The following COG6 variants were observed in gnomAD, a reference collection of about 807,000 sequenced individuals.
COG6 encodes the protein conserved oligomeric Golgi complex subunit 6.
COG6 carries 74 observed loss-of-function variants against 88.8 expected under a neutral mutation model. That is an observed-to-expected ratio of 0.83 (90% CI 0.69 to 1.01). COG6 has a LOEUF of 1.01. COG6 is among the 50% of genes least tolerant of loss of function. The probability of loss-of-function intolerance (pLI) is 0.00; values close to 1 mark genes in which losing one functional copy is unlikely to be tolerated. For synonymous variants in COG6, 286 were observed against 278.7 expected (o/e 1.03, Z -0.26); for missense variants, 800 against 797.9 (o/e 1.00, Z -0.03).
intron 5 of COG6, among the ~76,000 whole-genome samples, chr13:39,678,675 A>G (rs1014515436): frequency 6.6e-5 from 10 of 152,096 alleles, no homozygotes; most frequent in Non-Finnish European, 1.3e-4. Flanking sequence ...TTGTGGGATC[A>G]GAGGGCAAGA....
chr13:39,721,840 A>G (rs1364125553), intron 15 of COG6, among the ~76,000 whole-genome samples: 1 of 152,020 alleles, frequency 6.6e-6, no homozygotes, highest in Non-Finnish European at 1.5e-5. Context: ...TGTTTTTAGT[A>G]ATCTAGTCCC....
At chr13:39,703,591 G>T (rs553895396) in intron 13 of COG6, among the ~76,000 whole-genome samples, 1 of 151,848 alleles carries the variant, frequency 6.6e-6, no homozygotes, top group Admixed American at 6.6e-5. Context: ...TTTTTTTATA[G>T]TTTTTTTCCC....
At chr13:39,746,903 AAAT>A (rs2138139616) in intron 18 of COG6, among the ~76,000 whole-genome samples, 1 of 152,334 alleles carries the variant, frequency 6.6e-6, no homozygotes, top group African/African-American at 2.4e-5. Context: ...TAGTTCCCTA[AAAT>A]AATGTATGTG....
chr13:39,730,897 C>A (rs1423905758), intron 18 of COG6, among the ~76,000 whole-genome samples: 1 of 150,682 alleles, frequency 6.6e-6, no homozygotes, highest in Non-Finnish European at 1.5e-5. Context: ...TCTCAGCTCA[C>A]TACAGCCTCC....
chr13:39,779,713 T>C (rs1248312436), intron 18 of COG6, among the ~76,000 whole-genome samples: 4 of 152,146 alleles, frequency 2.6e-5, no homozygotes, highest in African/African-American at 9.7e-5. Context: ...AACGAAGACC[T>C]CTCCAGGGTT....
chr13:39,683,290 G>A (rs144444642), intron 8 of COG6, among the ~76,000 whole-genome samples: 2,148 of 152,284 alleles, frequency 0.014, 25 homozygotes, highest in Admixed American at 0.02. Context: ...TGTGGCTCAA[G>A]TATTCTGGTG....
chr13:39,754,756 G>A (rs1354673253), downstream of COG6, among the ~76,000 whole-genome samples: 1 of 152,070 alleles, frequency 6.6e-6, no homozygotes, highest in Non-Finnish European at 1.5e-5. Flanking sequence ...ACCAAATTAT[G>A]TGTTTCCCGT....
chr13:39,786,125 G>A (rs917005336), intron 18 of COG6, among the ~76,000 whole-genome samples: 1 of 152,186 alleles, frequency 6.6e-6, no homozygotes, highest in African/African-American at 2.4e-5. Flanking sequence ...CCTCACTGGT[G>A]GAGAAGGGTT....
intron 4 of COG6, among the ~76,000 whole-genome samples, chr13:39,674,137 G>A (rs1247310921): frequency 6.6e-6 from 1 of 151,408 alleles, no homozygotes; most frequent in African/African-American, 2.4e-5. Context: ...ATGTATACAC[G>A]TGCCATGTTG....
chr13:39,720,041 A>G (rs531498272), intron 15 of COG6, among the ~76,000 whole-genome samples: 61 of 150,436 alleles, frequency 4.1e-4, no homozygotes, highest in African/African-American at 1.5e-3. Flanking sequence ...TCAGTATTTC[A>G]GTTTTCAGCT....
exon 19 of COG6, chr13:39,788,423 G>T (rs114116730): frequency 4.7e-6 from 7 of 1,479,132 alleles, no homozygotes; most frequent in Non-Finnish European, 5.5e-6. Flanking sequence ...GTGATGTCTC[G>T]GAAAACTCTG....
rs1169053035 is a variant in COG6, at chr13:39,717,991, G to A, written c.1285-1245G>A. Among the ~76,000 whole-genome samples, 4 of 152,142 alleles carry A rather than the reference G, an allele frequency of 2.6e-5. No individual in the cohort carries two copies. The East Asian group carries it at 7.7e-4, about 29-fold the overall frequency. On this transcript the variant is annotated intron_variant, in intron 13 of 18. Coordinates refer to ENST00000455146, the MANE Select transcript of COG6 (RefSeq NM_020751.3). ...TTTATTGATATTCTTTATTTGGTGA[G>A]ACATTGTTTTCATACTTTAGTTCTT... is the stretch of plus-strand genomic sequence containing the variant.
chr13:39,669,331 T>G lies in COG6; in HGVS notation c.428+4177T>G, dbSNP rs79846311. On this transcript the variant is annotated intron_variant, in intron 4 of 18. Coordinates refer to ENST00000455146, the MANE Select transcript of COG6 (RefSeq NM_020751.3). The stretch of plus-strand genomic sequence containing the variant: ...AACAAGCATTACTTTAATTGAAAAT[T>G]GTGATTAAAACTAAGAGGATAACAG... Among the ~76,000 whole-genome samples, 707 of 152,352 alleles carry G rather than the reference T, an allele frequency of 4.6e-3. 5 individuals are homozygous for G. Among genetic ancestry groups the G allele is most frequent in the African/African-American group, 0.016 (654 of 41,578 alleles).
At chr13:39,724,926 C>T (rs1435312880) in intron 17 of COG6, among the ~76,000 whole-genome samples, 1 of 151,822 alleles carries the variant, frequency 6.6e-6, no homozygotes, top group Admixed American at 6.6e-5. Flanking sequence ...GTTTAAAGTT[C>T]CTGACGTGAA....
downstream of COG6, among the ~76,000 whole-genome samples, chr13:39,755,405 C>G (rs1880800468): frequency 6.6e-6 from 1 of 152,048 alleles, no homozygotes; most frequent in African/African-American, 2.4e-5. Context: ...CGGCCTTTAT[C>G]TTGCCTGTTA....
rs779577228 is a variant in COG6, at chr13:39,694,959, A to G, written c.1166+234A>G. 1.3e-3 allele frequency among the ~76,000 whole-genome samples: 146 copies of G among 110,322 alleles called. 1 individual carries two copies. The highest frequency in any genetic ancestry group is 1.9e-3 in the African/African-American group (65 of 33,468). The allele number at this position is 110,322 out of a possible 152,430, so 72.4% of individuals were successfully genotyped here. On this transcript the variant is annotated intron_variant, in intron 12 of 18. Coordinates refer to ENST00000455146, the MANE Select transcript of COG6 (RefSeq NM_020751.3). ...TTTCTCCAAGCTTAACTACACGCAC[A>G]CACACACACACACACACACACACAC...
At chr13:39,699,043 G>C (rs1877426953) in intron 12 of COG6, among the ~76,000 whole-genome samples, 1 of 151,718 alleles carries the variant, frequency 6.6e-6, no homozygotes, top group Non-Finnish European at 1.5e-5. Flanking sequence ...CTGATTTATA[G>C]GTGTGTTATT....
chr13:39,709,626 T>C (rs746709258), intron 13 of COG6, among the ~76,000 whole-genome samples: 1 of 152,172 alleles, frequency 6.6e-6, no homozygotes, highest in Non-Finnish European at 1.5e-5. Context: ...TTCTTTTTCA[T>C]GGCTGAATAG....
At chr13:39,749,981 G>A (rs946885760) in intron 18 of COG6, among the ~76,000 whole-genome samples, 53 of 152,168 alleles carry the variant, frequency 3.5e-4, no homozygotes, top group African/African-American at 1.2e-3. Flanking sequence ...GGGAAGAATA[G>A]ATAGGAGTTT....
Sources: allele counts gnomAD v4.1 joint callset (sites outside exome capture counted in the v4.1 genomes callset), GRCh38; gene constraint gnomAD v4.1.1; transcripts MANE v1.5; gene names NCBI Gene and HGNC (gene_info 2026-07-23, HGNC 2026-07-21).